MEMO1: variants seen among roughly 807,000 people sequenced by gnomAD.
MEMO1 encodes protein MEMO1.
MEMO1 carries 6 observed loss-of-function variants against 45.2 expected under a neutral mutation model. The observed-to-expected ratio is 0.13, with a 90% CI of 0.07 to 0.26. The LOEUF (loss-of-function observed/expected upper bound fraction) is 0.26, where lower values mean the gene tolerates loss of function less well. Among genes scored for constraint, MEMO1 ranks in the 10% least tolerant of loss-of-function variants. MEMO1 has a pLI of 1.00. For synonymous variants in MEMO1, 78 were observed against 124.3 expected, an observed-to-expected ratio of 0.63 and a Z score of 2.48; for missense variants, 184 against 370.5, an observed-to-expected ratio of 0.50 and a Z score of 4.13.
chr2:31,926,509 A>G (rs1016671107), intron 4 of MEMO1, among the ~76,000 whole-genome samples: 1 of 152,204 alleles, frequency 6.6e-6, no homozygotes, highest in African/African-American at 2.4e-5. Context: ...GATAGCCTCC[A>G]AAGAATTAAT....
chr2:31,916,140 G>A (rs967043009), intron 6 of MEMO1, among the ~76,000 whole-genome samples: 2 of 152,110 alleles, frequency 1.3e-5, no homozygotes, highest in Non-Finnish European at 2.9e-5. Flanking sequence ...CAATATACAT[G>A]TTTTACTTTT....
chr2:31,950,997 G>A (rs374225580), intron 2 of MEMO1, among the ~76,000 whole-genome samples: 1 of 152,240 alleles, frequency 6.6e-6, no homozygotes, highest in East Asian at 1.9e-4. Context: ...TTTCTCTGTT[G>A]CTTTGGGACT....
At chr2:31,902,342 G>A (rs1286416185) in intron 6 of MEMO1, among the ~76,000 whole-genome samples, 1 of 151,872 alleles carries the variant, frequency 6.6e-6, no homozygotes, top group Non-Finnish European at 1.5e-5. Flanking sequence ...AGGTTGCGCT[G>A]AGCCGAGATC....
chr2:31,980,020 A>G (rs528780063), intron 2 of MEMO1, among the ~76,000 whole-genome samples: 3 of 152,084 alleles, frequency 2.0e-5, no homozygotes, highest in Admixed American at 6.5e-5. Context: ...AAAAAAAAAA[A>G]AAAGAAAGAA....
At chr2:31,870,522 A>G (rs80081742) in intron 8 of MEMO1, among the ~76,000 whole-genome samples, 3,883 of 152,302 alleles carry the variant, frequency 0.025, 74 homozygotes, top group Admixed American at 0.056. Context: ...GAACTAAGAA[A>G]AAAGTTAACA....
intron 2 of MEMO1, among the ~76,000 whole-genome samples, chr2:31,985,414 C>G (rs959723083): frequency 6.6e-6 from 1 of 152,202 alleles, no homozygotes; most frequent in African/African-American, 2.4e-5. Context: ...CAACCTCCAC[C>G]TCCTGGGTTC....
chr2:31,904,664 C>A (rs1240368525), intron 6 of MEMO1, among the ~76,000 whole-genome samples: 1 of 152,186 alleles, frequency 6.6e-6, no homozygotes, highest in Non-Finnish European at 1.5e-5. Flanking sequence ...GCCCACCGTT[C>A]GCATCCTGTT....
chr2:31,949,523 A>G lies in MEMO1; in HGVS notation c.62-6140T>C, dbSNP rs191941287. On this transcript the variant is annotated intron_variant, in intron 2 of 9. Coordinates refer to ENST00000404530, the MANE Select transcript of MEMO1 (RefSeq NM_001301833.4). The stretch of plus-strand genomic sequence containing the variant: ...AGAAAGACAAACAATGCATGTTCTC[A>G]TTTATTTGTGGGATCTAAAAAAAAA... Among the ~76,000 whole-genome samples the G allele has an allele frequency of 3.3e-3, 496 of 150,816 alleles. 3 individuals are homozygous for G. The highest frequency in any genetic ancestry group is 0.011 in the African/African-American group (469 of 41,082).
chr2:31,955,673 A>T (rs1667336717), intron 2 of MEMO1, among the ~76,000 whole-genome samples: 1 of 151,840 alleles, frequency 6.6e-6, no homozygotes, highest in Non-Finnish European at 1.5e-5. Context: ...CAATGGGGCG[A>T]TCTCGGCTCA....
chr2:31,869,088 A>C (rs531030828), intron 9 of MEMO1, among the ~76,000 whole-genome samples: 1 of 152,238 alleles, frequency 6.6e-6, no homozygotes, highest in African/African-American at 2.4e-5. Flanking sequence ...TAGAAGAAAA[A>C]CCCTTCTTAA....
chr2:31,896,697 T>G (rs973535619), intron 6 of MEMO1, among the ~76,000 whole-genome samples: 1 of 152,230 alleles, frequency 6.6e-6, no homozygotes, highest in African/African-American at 2.4e-5. Context: ...GAAAAACTTC[T>G]GCTCTTCATT....
At chr2:31,978,567 G>A (rs1249137914) in intron 2 of MEMO1, among the ~76,000 whole-genome samples, 1 of 152,156 alleles carries the variant, frequency 6.6e-6, no homozygotes, top group East Asian at 1.9e-4. Context: ...CGAGTAGCTA[G>A]GACTACAGGC....
intron 6 of MEMO1, among the ~76,000 whole-genome samples, chr2:31,909,714 C>T (rs1244498537): frequency 6.6e-6 from 1 of 151,820 alleles, no homozygotes; most frequent in Non-Finnish European, 1.5e-5. Flanking sequence ...TTAATGAAAC[C>T]CCTATCAAAA....
chr2:31,931,314 C>G (rs1664138975), intron 4 of MEMO1, among the ~76,000 whole-genome samples: 1 of 152,136 alleles, frequency 6.6e-6, no homozygotes. Context: ...TTTTGAATAA[C>G]TATCCTACAT....
At chr2:31,870,712 G>A (rs535734829) in intron 8 of MEMO1, among the ~76,000 whole-genome samples, 175 of 152,164 alleles carry the variant, frequency 1.2e-3, no homozygotes, top group African/African-American at 4.0e-3. Context: ...GAGTAACTGG[G>A]ATTACAGACA....
At chr2:31,970,820 G>A (rs531629349) in intron 2 of MEMO1, among the ~76,000 whole-genome samples, 8 of 152,046 alleles carry the variant, frequency 5.3e-5, no homozygotes, top group South Asian at 2.1e-4. Context: ...CCTGGCCAAC[G>A]TGGTGAAACC....
intron 2 of MEMO1, among the ~76,000 whole-genome samples, chr2:31,993,570 G>A (rs1026576852): frequency 3.9e-5 from 6 of 152,196 alleles, no homozygotes; most frequent in Admixed American, 2.0e-4. Context: ...TGGAGAAGAG[G>A]AAGCTAAACA....
chr2:32,010,759 C>A lies in MEMO1; in HGVS notation c.-18+183G>T, dbSNP rs1204550055. 2.0e-5 allele frequency among the ~76,000 whole-genome samples: 3 copies of A among 151,584 alleles called. No individual in the cohort carries two copies. The East Asian group carries it at 5.9e-4, about 30-fold the overall frequency. ...GCCCGGCCGCCCGCCGCCGGCCCCG[C>A]CCCGCTCCTCCTCCCGGCCGCGCGG... is the stretch of plus-strand genomic sequence containing the variant. On this transcript the variant is annotated intron_variant, in intron 1 of 9. Coordinates refer to ENST00000404530, the MANE Select transcript of MEMO1 (RefSeq NM_001301833.4).
At chr2:31,919,983 C>A (rs997595262) in intron 5 of MEMO1, among the ~76,000 whole-genome samples, 45 of 148,284 alleles carry the variant, frequency 3.0e-4, no homozygotes, top group Non-Finnish European at 1.6e-4. Flanking sequence ...TGTGTACATG[C>A]GTGTGTGTGA....
Sources: gnomAD v4.1 joint callset for allele counts (sites outside exome capture counted in the v4.1 genomes callset) on GRCh38, gnomAD v4.1.1 for gene constraint, MANE v1.5 for transcripts, NCBI Gene and HGNC (gene_info 2026-07-23, HGNC 2026-07-21) for gene names.